TBC1D5: variants seen among roughly 807,000 people sequenced by gnomAD.
TBC1D5 encodes TBC1 domain family member 5, also known as TBC1 domain family, member 5.
In TBC1D5, 75 loss-of-function variants were observed where a neutral mutation model predicts 100.3. The ratio of observed to expected loss-of-function variants is 0.75; its 90% CI spans 0.62 to 0.91. TBC1D5 has a LOEUF of 0.91. Ranked by LOEUF, TBC1D5 falls within the 40% of genes least tolerant of loss-of-function variation. TBC1D5 has a pLI of 0.00. For missense variants in TBC1D5, 910 were observed against 942.4 expected, an observed-to-expected ratio of 0.97 and a Z score of 0.45; for synonymous variants, 323 against 325.6, an observed-to-expected ratio of 0.99 and a Z score of 0.09.
intron 3 of TBC1D5, among the ~76,000 whole-genome samples, chr3:17,486,156 G>A (rs2095564552): frequency 6.6e-6 from 1 of 152,144 alleles, no homozygotes; most frequent in Admixed American, 6.5e-5. Context: ...AGAAGTGTCG[G>A]TTCATATCCT....
At chr3:17,424,291 G>A (rs2094287475) in intron 4 of TBC1D5, among the ~76,000 whole-genome samples, 1 of 152,184 alleles carries the variant, frequency 6.6e-6, no homozygotes, top group South Asian at 2.1e-4. Context: ...ATATGTGCTG[G>A]CAAGGGGCTT....
At chr3:17,576,957 CTG>C (rs2096660895) in intron 2 of TBC1D5, among the ~76,000 whole-genome samples, 1 of 151,892 alleles carries the variant, frequency 6.6e-6, no homozygotes, top group South Asian at 2.1e-4. Context: ...AGGAAAAAAA[CTG>C]TAAAAGACAC....
At chr3:17,383,086 G>A (rs2093015362) in intron 9 of TBC1D5, among the ~76,000 whole-genome samples, 1 of 151,908 alleles carries the variant, frequency 6.6e-6, no homozygotes, top group South Asian at 2.1e-4. Context: ...GTACGATTTG[G>A]TATATTTGTA....
chr3:17,496,982 ATCTTC>A (rs1424465256), intron 3 of TBC1D5, among the ~76,000 whole-genome samples: 2 of 151,858 alleles, frequency 1.3e-5, no homozygotes, highest in Non-Finnish European at 2.9e-5. Context: ...AGCCACAGTG[ATCTTC>A]TTCAGTTCCC....
At chr3:17,262,582 C>T (rs948949042) in intron 15 of TBC1D5, among the ~76,000 whole-genome samples, 10 of 150,528 alleles carry the variant, frequency 6.6e-5, no homozygotes, top group African/African-American at 1.2e-4. Context: ...CCCAGGTTCA[C>T]GCCACTCTCC....
Position 17,540,905 on chromosome 3 carries a change from CAAAAAAAAAAAAAAAAAA to C in TBC1D5, c.-35-32318_-35-32301del, listed in dbSNP as rs71634807. 9.5e-5 allele frequency among the ~76,000 whole-genome samples: 3 copies of C among 31,458 alleles called. No individual in the cohort carries two copies. In the Admixed American group the frequency reaches 1.4e-3, roughly 14 times the overall value. The allele number at this position is 31,458 out of a possible 152,430, so 20.6% of individuals were successfully genotyped here. On this transcript the variant is annotated intron_variant, in intron 2 of 21. Transcript: ENST00000253692. Reference sequence around the variant, plus strand: ...CTGGCGACAGAGCGAGGCTCCATCTCAAAAAAAAAAAAAAAAAAAAAAAAAAAGTAAGAAAAGAAAAAA... The same window carrying C: ...CTGGCGACAGAGCGAGGCTCCATCTCAAAAAAAAAGTAAGAAAAGAAAAAA...
At chr3:17,419,520 A>G (rs1212931493) in intron 4 of TBC1D5, among the ~76,000 whole-genome samples, 1 of 152,200 alleles carries the variant, frequency 6.6e-6, no homozygotes, top group East Asian at 1.9e-4. Flanking sequence ...ATCTAAAAGA[A>G]TGCATTGCTG....
chr3:17,195,813 A>T (rs560775982), intron 18 of TBC1D5, among the ~76,000 whole-genome samples: 12 of 151,730 alleles, frequency 7.9e-5, no homozygotes, highest in Non-Finnish European at 1.2e-4. Context: ...AAAGAAAAAA[A>T]GGTGAGAAGG....
intron 19 of TBC1D5, among the ~76,000 whole-genome samples, chr3:17,178,572 T>C (rs1011739434): frequency 1.3e-5 from 2 of 152,196 alleles, no homozygotes; most frequent in Admixed American, 6.5e-5. Context: ...CAATTTTTAG[T>C]TTTTAGGAAC....
At chr3:17,583,703 CGCAACAGA>C (rs2096714784) in intron 2 of TBC1D5, among the ~76,000 whole-genome samples, 1 of 151,926 alleles carries the variant, frequency 6.6e-6, no homozygotes, top group East Asian at 1.9e-4. Context: ...TTCCAGGCCA[CGCAACAGA>C]GCAAGACTGT....
chr3:17,311,242 G>T (rs942998069), intron 13 of TBC1D5, among the ~76,000 whole-genome samples: 2 of 151,900 alleles, frequency 1.3e-5, no homozygotes, highest in African/African-American at 4.8e-5. Flanking sequence ...CAGTTTAATT[G>T]CTTTATACTA....
At chr3:17,460,157 T>C (rs2095175136) in intron 3 of TBC1D5, among the ~76,000 whole-genome samples, 1 of 152,198 alleles carries the variant, frequency 6.6e-6, no homozygotes, top group South Asian at 2.1e-4. Flanking sequence ...TGACATGTTA[T>C]GGGAAGCCAG....
chr3:17,669,181 C>T (rs914684887), intron 1 of TBC1D5, among the ~76,000 whole-genome samples: 7 of 152,090 alleles, frequency 4.6e-5, no homozygotes, highest in African/African-American at 1.4e-4. Context: ...CCCCCTTTTG[C>T]TCAGCACTTC....
At chr3:17,315,115 T>C (rs986172284) in intron 13 of TBC1D5, among the ~76,000 whole-genome samples, 1 of 152,228 alleles carries the variant, frequency 6.6e-6, no homozygotes. Context: ...CTGGTTTCTC[T>C]CCGCATCTTC....
intron 16 of TBC1D5, among the ~76,000 whole-genome samples, chr3:17,243,983 C>T (rs922869119): frequency 1.3e-5 from 2 of 152,036 alleles, no homozygotes; most frequent in African/African-American, 4.8e-5. Context: ...GACTGCAAAA[C>T]CCGAGGAGTA....
At chr3:17,274,996 G>C (rs920086940) in intron 15 of TBC1D5, among the ~76,000 whole-genome samples, 1 of 152,140 alleles carries the variant, frequency 6.6e-6, no homozygotes, top group African/African-American at 2.4e-5. Flanking sequence ...AAAAATAATA[G>C]TGTGCAGAGA....
At chr3:17,567,778 C>A (rs187726787) in intron 2 of TBC1D5, among the ~76,000 whole-genome samples, 1 of 151,636 alleles carries the variant, frequency 6.6e-6, no homozygotes, top group Non-Finnish European at 1.5e-5. Flanking sequence ...TAATACTACA[C>A]ATTGAAAATA....
At chr3:17,498,887 T>A (rs2095749436) in intron 3 of TBC1D5, among the ~76,000 whole-genome samples, 2 of 152,228 alleles carry the variant, frequency 1.3e-5, no homozygotes, top group Non-Finnish European at 2.9e-5. Context: ...TTAAAAAAAA[T>A]GCTCCTGGCT....
intron 3 of TBC1D5, among the ~76,000 whole-genome samples, chr3:17,496,448 GCA>G (rs140874231): frequency 2.7e-5 from 4 of 150,734 alleles, no homozygotes; most frequent in Admixed American, 6.7e-5. Flanking sequence ...ATACATACAT[GCA>G]CACACACACA....
Sources: gnomAD v4.1 joint callset for allele counts (sites outside exome capture counted in the v4.1 genomes callset) on GRCh38, gnomAD v4.1.1 for gene constraint, MANE v1.5 for transcripts, NCBI Gene and HGNC (gene_info 2026-07-23, HGNC 2026-07-21) for gene names.